The following SLC25A25 variants were observed in gnomAD, a reference collection of about 807,000 sequenced individuals.
SLC25A25 encodes the protein mitochondrial adenyl nucleotide antiporter SLC25A25.
SLC25A25 carries 32 observed loss-of-function variants against 57.7 expected under a neutral mutation model. That is an observed-to-expected ratio of 0.55 (90% CI 0.42 to 0.74). The LOEUF (loss-of-function observed/expected upper bound fraction) is 0.74, where lower values mean the gene tolerates loss of function less well. Among genes scored for constraint, SLC25A25 ranks in the 30% least tolerant of loss-of-function variants. SLC25A25 has a pLI of 0.00. For synonymous variants in SLC25A25, 306 were observed against 291.2 expected (o/e 1.05, Z -0.52); for missense variants, 556 against 701.3 (o/e 0.79, Z 2.34).
rs777764357 is a variant in SLC25A25 at position 128,101,258 on chromosome 9, C to T, written c.388+36C>T. The T allele has an allele frequency of 2.5e-6, 4 of 1,614,242 alleles. No homozygotes were observed. Among genetic ancestry groups the T allele is most frequent in the East Asian group, 2.2e-5 (1 of 44,888 alleles). On this transcript the variant is annotated intron_variant, in intron 2 of 10. Coordinates refer to ENST00000373069, the MANE Select transcript of SLC25A25 (RefSeq NM_001330988.2). The surrounding 1 kb of genome is among the most constrained non-coding windows in gnomAD (Gnocchi z 4.9). ...CCTTCAGAGCTGTGGCCGGTCCAGC[C>T]TCGGGCCTCCCCGTGCGCCTGGCTC... is the stretch of plus-strand genomic sequence containing the variant.
In SLC25A25 at chr9:128,108,337, C is replaced by T. The variant is rs1422639948; in HGVS notation, c.*893C>T. 2.5e-6 allele frequency: 1 copy of T among 398,240 alleles called. No homozygotes were observed. Among genetic ancestry groups the T allele is most frequent in the Non-Finnish European group, 4.4e-6 (1 of 226,056 alleles). The allele number at this position is 398,240 out of a possible 1,614,324, so 24.7% of individuals were successfully genotyped here. On this transcript the variant is annotated 3_prime_UTR_variant, in exon 11 of 11. Coordinates refer to ENST00000373069, the MANE Select transcript of SLC25A25 (RefSeq NM_001330988.2). ...TGGACTGTTGGGAAAAGGGTTTTGT[C>T]CAGAAGGACAAGCCGGACAAATGAG...
intron 1 of SLC25A25, among the ~76,000 whole-genome samples, chr9:128,077,222 C>T (rs777448099): frequency 1.3e-5 from 2 of 152,172 alleles, no homozygotes; most frequent in Non-Finnish European, 2.9e-5. Flanking sequence ...GGAAATGTTA[C>T]GCTGATTGAA....
chr9:128,107,986 A>C lies in SLC25A25; in HGVS notation c.*542A>C, dbSNP rs1251004098. On this transcript the variant is annotated 3_prime_UTR_variant, in exon 11 of 11. Coordinates refer to ENST00000373069, the MANE Select transcript of SLC25A25 (RefSeq NM_001330988.2). ...CAGGCCTGACTTCCCAACCTACAGC[A>C]TTGACGCCAACTTGGCTGTGAAGGA... The C allele has an allele frequency of 1.3e-5, 5 of 398,792 alleles. No homozygotes were observed. The highest frequency in any genetic ancestry group is 2.1e-5 in the African/African-American group (1 of 48,660). 24.7% of individuals were successfully genotyped at this position (398,792 alleles called of 1,614,324 possible).
Position 128,102,034 on chromosome 9 carries a change from C to T in SLC25A25, c.477-46C>T, listed in dbSNP as rs1490406578. The stretch of plus-strand genomic sequence containing the variant: ...ACTAACATGGCTCCGAGCACTTATG[C>T]GTGTTGTTTCTGCTCTCTCCTCCGC... On this transcript the variant is annotated intron_variant, in intron 3 of 10. Coordinates refer to ENST00000373069, the MANE Select transcript of SLC25A25 (RefSeq NM_001330988.2). This position sits in a 1 kb window ranked among gnomAD's most constrained non-coding sequence, Gnocchi z 4.1. 18 of 1,549,254 alleles carry T rather than the reference C, an allele frequency of 1.2e-5. No individual in the cohort carries two copies. The highest frequency in any genetic ancestry group is 6.9e-5 in the African/African-American group (5 of 72,992).
intron 1 of SLC25A25, among the ~76,000 whole-genome samples, chr9:128,070,182 C>T (rs1036870565): frequency 1.3e-5 from 2 of 150,194 alleles, no homozygotes; most frequent in African/African-American, 2.5e-5. Flanking sequence ...GCTCCGCCTC[C>T]GGGGTTCACG....
chr9:128,098,759 C>G, intron 1 of SLC25A25: 2 of 1,608,982 alleles, frequency 1.2e-6, no homozygotes, highest in Non-Finnish European at 1.7e-6. Flanking sequence ...GGGAGAGGCG[C>G]ATTCAACCGG....
rs767669209 is a variant in SLC25A25 at position 128,106,485 on chromosome 9, A to G, written c.1177A>G (p.Ile393Val). Residue 393 changes from isoleucine to valine, a missense_variant, in exon 9 of 11, where the codon ATC (isoleucine) becomes GTC (valine). Ile to Val is a conservative substitution (Grantham distance 29). Around this residue, in one of 3 missense-constraint regions of SLC25A25, gnomAD observed 294 missense variants for 389.6 expected, o/e 0.75. Transcript: ENST00000373069. Reference sequence around the variant, plus strand: ...CTATGTCCCCAACATGCTGGGCATCATCCCCTATGCCGGCATCGACCTTGC... The same window carrying G: ...CTATGTCCCCAACATGCTGGGCATCGTCCCCTATGCCGGCATCGACCTTGC... The part of the protein sequence containing the change: ...KGYVPNMLGI[I>V]PYAGIDLAVY... The G allele has an allele frequency of 6.2e-7, 1 of 1,611,578 alleles. No individual in the cohort carries two copies. The highest frequency in any genetic ancestry group is 1.3e-5 in the African/African-American group (1 of 74,884).
At chr9:128,106,993 T>C (rs1392541887) in intron 9 of SLC25A25, 36 bp from the exon 10 acceptor site, 1 of 1,602,530 alleles carries the variant, frequency 6.2e-7, no homozygotes, top group South Asian at 1.1e-5. Flanking sequence ...CACTAGCCCT[T>C]CCTAGGGCTT....
At chr9:128,074,818 T>G (rs1832975940) in intron 1 of SLC25A25, among the ~76,000 whole-genome samples, 1 of 151,886 alleles carries the variant, frequency 6.6e-6, no homozygotes, top group Non-Finnish European at 1.5e-5. Context: ...CTGGGCAACT[T>G]GGTGAAACCC....
intron 1 of SLC25A25, among the ~76,000 whole-genome samples, chr9:128,069,680 C>G (rs887629674): frequency 2.0e-5 from 3 of 152,300 alleles, no homozygotes; most frequent in African/African-American, 7.2e-5. Flanking sequence ...CTATTAGGAT[C>G]AGCCTAGGAG....
chr9:128,106,624 A>G (rs1418131129), intron 9 of SLC25A25, 104 bp downstream of exon 9: 16 of 1,351,672 alleles, frequency 1.2e-5, no homozygotes, highest in African/African-American at 2.9e-5. Flanking sequence ...ACTGCATCAA[A>G]GACTGCGCCT....
rs1304746925 is a variant in SLC25A25, at chr9:128,101,039, G to A, written c.262-57G>A. The A allele has an allele frequency of 6.2e-6, 10 of 1,609,476 alleles. No individual in the cohort carries two copies. Among genetic ancestry groups the A allele is most frequent in the Non-Finnish European group, 8.5e-6 (10 of 1,178,144 alleles). ...TTGCCTGGGGATGGGGCCCCACAAG[G>A]GACAAGGAAAGGCTGGTCCAGGAGC... On this transcript the variant is annotated intron_variant, in intron 1 of 10. Transcript: ENST00000373069. The surrounding 1 kb of genome is among the most constrained non-coding windows in gnomAD (Gnocchi z 4.9).
intron 1 of SLC25A25, among the ~76,000 whole-genome samples, chr9:128,088,745 G>A (rs966853885): frequency 3.3e-5 from 5 of 152,098 alleles, no homozygotes; most frequent in Admixed American, 6.5e-5. Flanking sequence ...TATCTTTGCC[G>A]GAAGCCCTTG....
At chr9:128,083,091 T>A in intron 1 of SLC25A25, among the ~76,000 whole-genome samples, 1 of 151,684 alleles carries the variant, frequency 6.6e-6, no homozygotes. Flanking sequence ...AGCCGGGCAT[T>A]GTGGCGGGCG....
chr9:128,088,657 G>T (rs567338430), intron 1 of SLC25A25, among the ~76,000 whole-genome samples: 1 of 152,186 alleles, frequency 6.6e-6, no homozygotes, highest in Non-Finnish European at 1.5e-5. Flanking sequence ...GTTGTCCAGC[G>T]GCTGGGAAAG....
chr9:128,092,369 C>T (rs1833434901), intron 1 of SLC25A25, among the ~76,000 whole-genome samples: 1 of 152,146 alleles, frequency 6.6e-6, no homozygotes, highest in Non-Finnish European at 1.5e-5. Context: ...CTGAAGAAAG[C>T]CATTTGAAAG....
intron 1 of SLC25A25, chr9:128,090,913 C>T (rs1833388702): frequency 6.6e-6 from 1 of 152,204 alleles, no homozygotes; most frequent in African/African-American, 2.4e-5. Context: ...AACTAAGAAA[C>T]AAATGACCAT....
At chr9:128,081,698 G>T (rs55935506) in intron 1 of SLC25A25, among the ~76,000 whole-genome samples, 1 of 152,134 alleles carries the variant, frequency 6.6e-6, no homozygotes, top group South Asian at 2.1e-4. Flanking sequence ...GGAGGCTGAG[G>T]TGGGAGGATT....
chr9:128,094,340 A>T (rs1833499494), intron 1 of SLC25A25: 1 of 152,200 alleles, frequency 6.6e-6, no homozygotes, highest in African/African-American at 2.4e-5. Context: ...TTGGAGAAGA[A>T]AGCCATTACT....
Sources: gnomAD v4.1 joint callset for allele counts (sites outside exome capture counted in the v4.1 genomes callset) on GRCh38, gnomAD v4.1.1 for gene constraint, gnomAD v4.1.1 regional missense constraint, Gnocchi (gnomAD v3.1) non-coding constraint, MANE v1.5 for transcripts, NCBI Gene and HGNC (gene_info 2026-07-23, HGNC 2026-07-21) for gene names.